ZC3H6: variants seen among roughly 807,000 people sequenced by gnomAD.
The protein encoded by ZC3H6 is zinc finger CCCH-type containing 6.
Under a neutral mutation model 107.7 loss-of-function variants are expected in ZC3H6, and 40 were observed. The observed-to-expected ratio is 0.37, with a 90% CI of 0.29 to 0.48. The LOEUF (loss-of-function observed/expected upper bound fraction) is 0.48. Among genes scored for constraint, ZC3H6 ranks in the 20% least tolerant of loss-of-function variants. The pLI, the probability that ZC3H6 is intolerant of heterozygous loss-of-function variation, is 0.98. For synonymous variants in ZC3H6, 493 were observed against 487.9 expected (o/e 1.01, Z -0.14); for missense variants, 1,267 against 1,410.4 (o/e 0.90, Z 1.63).
chr2:112,322,761 C>G lies in ZC3H6; in HGVS notation c.1199C>G (p.Pro400Arg), dbSNP rs772889366. 2.5e-6 allele frequency: 4 copies of G among 1,613,954 alleles called. No individual in the cohort carries two copies. Among genetic ancestry groups the G allele is most frequent in the Non-Finnish European group, 3.4e-6 (4 of 1,179,884 alleles). The change falls in exon 9 of 12, where the codon CCA becomes CGA. Residue 400 changes from proline (P) to arginine (R), a missense_variant. Physicochemically the swap from Pro to Arg is moderately radical, Grantham distance 103. Around this residue, in one of 3 missense-constraint regions of ZC3H6, gnomAD observed 925 missense variants for 1,025.7 expected, o/e 0.90. Transcript: ENST00000409871. Reference protein sequence around the residue: ...PKPPPGVGLLPTPPEHFPFSD... With the variant: ...PKPPPGVGLLRTPPEHFPFSD... ...CCACCTCCAGGGGTTGGGCTTCTGC[C>G]AACCCCTCCAGAGCATTTTCCCTTT...
rs1296017040 is a variant in ZC3H6, at chr2:112,324,576, G to A, written c.1765G>A (p.Glu589Lys). Residue 589 changes from glutamate (E) to lysine (K), a missense_variant, in exon 10 of 12, where the codon GAG (glutamate) becomes AAG (lysine). Around this residue, in one of 3 missense-constraint regions of ZC3H6, gnomAD observed 925 missense variants for 1,025.7 expected, o/e 0.90. Transcript: ENST00000409871. ...PGEMQLNTNY[E>K]SLQNPAEFYD... ...TGAAATGCAGCTCAACACCAATTAT[G>A]AGTCCCTGCAAAACCCAGCTGAGTT... 1.9e-6 allele frequency: 3 copies of A among 1,611,780 alleles called. No individual in the cohort carries two copies. The highest frequency in any genetic ancestry group is 2.5e-6 in the Non-Finnish European group (3 of 1,178,774).
At chr2:112,319,393 C>A (rs977980889) in intron 7 of ZC3H6, among the ~76,000 whole-genome samples, 4 of 152,110 alleles carry the variant, frequency 2.6e-5, no homozygotes, top group African/African-American at 9.7e-5. Flanking sequence ...TGCCTGTAAT[C>A]CCACCACTTT....
chr2:112,277,331 A>G (rs865781398), intron 1 of ZC3H6, among the ~76,000 whole-genome samples: 1 of 152,044 alleles, frequency 6.6e-6, no homozygotes, highest in Non-Finnish European at 1.5e-5. Flanking sequence ...GTTGACTAAT[A>G]CCTTGCTCTT....
At chr2:112,290,041 T>A (rs1676075402) in intron 1 of ZC3H6, among the ~76,000 whole-genome samples, 1 of 152,218 alleles carries the variant, frequency 6.6e-6, no homozygotes, top group African/African-American at 2.4e-5. Context: ...GTGCCCAGCT[T>A]TTGAAAAACC....
intron 1 of ZC3H6, among the ~76,000 whole-genome samples, chr2:112,280,123 C>T (rs1375440676): frequency 1.3e-5 from 2 of 150,750 alleles, no homozygotes; most frequent in African/African-American, 4.9e-5. Flanking sequence ...AATTTTCCTT[C>T]CCACTTAAAT....
chr2:112,337,338 T>G lies in ZC3H6; in HGVS notation c.*4850T>G, dbSNP rs1399959695. On this transcript the variant is annotated 3_prime_UTR_variant, in exon 12 of 12. Coordinates refer to ENST00000409871, the MANE Select transcript of ZC3H6 (RefSeq NM_198581.3). ...TTTTTAATTTGTTGTTGTTTTTGTTTGAGACAGAGTCTTCATTCTTGTTGC... is the reference window on the plus strand; with the variant it reads ...TTTTTAATTTGTTGTTGTTTTTGTTGGAGACAGAGTCTTCATTCTTGTTGC... 1 of 152,102 alleles carries G rather than the reference T, an allele frequency of 6.6e-6. No individual in the cohort carries two copies. The highest frequency in any genetic ancestry group is 1.5e-5 in the Non-Finnish European group (1 of 68,030). 9.4% of individuals were successfully genotyped at this position (152,102 alleles called of 1,614,324 possible).
At chr2:112,290,116 A>C (rs1264469668) in intron 1 of ZC3H6, among the ~76,000 whole-genome samples, 1 of 152,388 alleles carries the variant, frequency 6.6e-6, no homozygotes, top group Admixed American at 6.5e-5. Context: ...CAATTAAAAA[A>C]AAAACAAACC....
Position 112,311,944 on chromosome 2 carries a change from A to G in ZC3H6, c.747+7A>G. 6.2e-7 allele frequency: 1 copy of G among 1,605,256 alleles called. No homozygotes were observed. Among genetic ancestry groups the G allele is most frequent in the Non-Finnish European group, 8.5e-7 (1 of 1,175,780 alleles). ...ATCGGATGACTTTCAAGAGGTACTA[A>G]GAATTTATGTATAAGGAGGGGAGGA... On this transcript the variant is annotated splice_region_variant and intron_variant, in intron 5 of 11. Transcript: ENST00000409871.
rs370378304 is a variant in ZC3H6 at position 112,331,387 on chromosome 2, T to C, written c.2469T>C (p.Asp823=). ...ATGTCAAACACAAAAGAGGCGATGA[T>C]GATGATGAAGATACAGAAAGAGAAC... ...GTNVKHKRGD[D]DDEDTERELR... The change falls in exon 12 of 12, where the codon GAT becomes GAC. Residue 823 remains aspartate, a synonymous_variant. Transcript: ENST00000409871. 2 of 1,613,634 alleles carry C rather than the reference T, an allele frequency of 1.2e-6. No homozygotes were observed. The highest frequency in any genetic ancestry group is 1.7e-6 in the Non-Finnish European group (2 of 1,179,878).
chr2:112,321,437 A>G (rs2104720089), intron 7 of ZC3H6, among the ~76,000 whole-genome samples: 1 of 152,132 alleles, frequency 6.6e-6, no homozygotes, highest in Admixed American at 6.5e-5. Flanking sequence ...GTTTTTGTAT[A>G]ATTAAAATAT....
chr2:112,284,164 G>T (rs1394345588), intron 1 of ZC3H6, among the ~76,000 whole-genome samples: 2 of 138,762 alleles, frequency 1.4e-5, no homozygotes, highest in East Asian at 1.9e-4. Flanking sequence ...TCTGTGTGGG[G>T]TTGAGTTTTT....
At position 112,331,560 on chromosome 2, in the gene ZC3H6, C is replaced by T; in HGVS notation, c.2642C>T (p.Pro881Leu). 1 of 1,613,924 alleles carries T rather than the reference C, an allele frequency of 6.2e-7. No individual in the cohort carries two copies. Among genetic ancestry groups the T allele is most frequent in the Non-Finnish European group, 8.5e-7 (1 of 1,179,858 alleles). Residue 881 changes from proline to leucine, a missense_variant, in exon 12 of 12, where the codon CCC becomes CTC. Transcript: ENST00000409871. ...TTTGCAAAACACATCGTGTGGGCTC[C>T]CGAAGACTTACTTCCAGTACCTTTA... is the stretch of plus-strand genomic sequence containing the variant. ...PNFAKHIVWA[P>L]EDLLPVPLPK...
intron 8 of ZC3H6, 123 bp downstream of exon 8, chr2:112,321,988 TTC>T: frequency 2.0e-6 from 1 of 490,034 alleles, no homozygotes; most frequent in Non-Finnish European, 3.6e-6. Flanking sequence ...TTATATTTTA[TTC>T]TATTTGAGCA....
intron 7 of ZC3H6, among the ~76,000 whole-genome samples, chr2:112,320,791 A>G (rs867118844): frequency 3.9e-5 from 6 of 152,102 alleles, no homozygotes; most frequent in Admixed American, 2.0e-4. Flanking sequence ...ATTTAATTTT[A>G]ATTGTATTGG....
chr2:112,281,081 T>C (rs1686517319), intron 1 of ZC3H6, among the ~76,000 whole-genome samples: 1 of 152,096 alleles, frequency 6.6e-6, no homozygotes, highest in Non-Finnish European at 1.5e-5. Context: ...TAATGAAACA[T>C]ATTTTCTTGG....
intron 9 of ZC3H6, 146 bp downstream of exon 9, chr2:112,323,048 C>G: frequency 2.2e-6 from 2 of 892,162 alleles, no homozygotes; most frequent in Non-Finnish European, 3.3e-6. Flanking sequence ...GTTGCTTCCA[C>G]CTTTGTTTTC....
Position 112,332,122 on chromosome 2 carries a change from A to C in ZC3H6, c.3204A>C (p.Gly1068=). ...STSELATASS[G]ENSKNQKKSG... Reference sequence around the variant, plus strand: ...CAGAGCTAGCAACAGCTTCTTCAGGAGAAAACTCAAAGAACCAGAAAAAAA... The same window carrying C: ...CAGAGCTAGCAACAGCTTCTTCAGGCGAAAACTCAAAGAACCAGAAAAAAA... Residue 1068 remains glycine (G), a synonymous_variant, in exon 12 of 12, where the codon GGA becomes GGC. Transcript: ENST00000409871. 1 of 1,613,990 alleles carries C rather than the reference A, an allele frequency of 6.2e-7. No individual in the cohort carries two copies. Among genetic ancestry groups the C allele is most frequent in the Non-Finnish European group, 8.5e-7 (1 of 1,179,876 alleles).
At chr2:112,314,433 TA>T (rs1676653614) in intron 5 of ZC3H6, among the ~76,000 whole-genome samples, 1 of 152,092 alleles carries the variant, frequency 6.6e-6, no homozygotes, top group African/African-American at 2.4e-5. Flanking sequence ...GGAACTAAAC[TA>T]AAAAACAAAA....
At chr2:112,277,468 A>G (rs1686448786) in intron 1 of ZC3H6, among the ~76,000 whole-genome samples, 1 of 152,004 alleles carries the variant, frequency 6.6e-6, no homozygotes. Flanking sequence ...GGAGTTATGT[A>G]TTGTACATCA....
Sources: gnomAD v4.1 joint callset for allele counts (sites outside exome capture counted in the v4.1 genomes callset) on GRCh38, gnomAD v4.1.1 for gene constraint, gnomAD v4.1.1 regional missense constraint, MANE v1.5 for transcripts, NCBI Gene and HGNC (gene_info 2026-07-23, HGNC 2026-07-21) for gene names.